ZNF75D: variants seen among roughly 807,000 people sequenced by gnomAD.
The protein encoded by ZNF75D is zinc finger protein 75.
ZNF75D carries 33 observed loss-of-function variants against 33.3 expected under a neutral mutation model. The observed-to-expected ratio is 0.99, with a 90% CI of 0.75 to 1.32. The LOEUF is 1.32. Ranked by LOEUF, ZNF75D falls within the 40% of genes most tolerant of loss-of-function variation. The pLI is 0.00. For synonymous variants in ZNF75D, 113 were observed against 130.6 expected (o/e 0.87, Z 0.92); for missense variants, 338 against 367.5 (o/e 0.92, Z 0.66).
In ZNF75D at chrX:135,294,197, C is replaced by T. The variant is rs2084091357; in HGVS notation, c.-57G>A. 1 of 1,034,049 alleles carries T rather than the reference C, an allele frequency of 9.7e-7. No homozygotes were observed. The highest frequency in any genetic ancestry group is 2.9e-5 in the Admixed American group (1 of 34,545). The allele number at this position is 1,034,049 out of a possible 1,213,427, so 85.2% of individuals were successfully genotyped here. A position where few individuals can be genotyped will look rare whatever the true frequency, so the allele number is the denominator to read the frequency against. ...GACACTGACACCCACCTGGTACCAC[C>T]TTTGACAAATCAGGGTGCATCAGGT... On this transcript the variant is annotated 5_prime_UTR_variant, in exon 3 of 7. Coordinates refer to ENST00000370766, the MANE Select transcript of ZNF75D (RefSeq NM_007131.5).
Position 135,291,054 on chromosome X carries a change from A to G in ZNF75D, c.778T>C (p.Tyr260His). 1 of 1,206,787 alleles carries G rather than the reference A, an allele frequency of 8.3e-7. No homozygotes were observed. The highest frequency in any genetic ancestry group is 1.1e-6 in the Non-Finnish European group (1 of 890,718). Residue 260 changes from tyrosine to histidine, a missense_variant, in exon 6 of 7, where the codon TAC (tyrosine) becomes CAC (histidine). Physicochemically the swap from Tyr to His is moderately conservative, Grantham distance 83. Around this residue, in one of 3 missense-constraint regions of ZNF75D, gnomAD observed 254 missense variants for 267.7 expected, o/e 0.95. Transcript: ENST00000370766. ...TAGATATCCTGCATTACATCATTGT[A>G]GAGAGTCTTCTCAAGAGGATTCAAT... The part of the protein sequence containing the change: ...QLLNPLEKTL[Y>H]NDVMQDIYET...
In ZNF75D at chrX:135,343,304, A is replaced by G. The variant is rs1365227119; in HGVS notation, c.-1927T>C. 1 of 112,830 alleles carries G rather than the reference A, an allele frequency of 8.9e-6. No individual in the cohort carries two copies. The highest frequency in any genetic ancestry group is 1.9e-5 in the Non-Finnish European group (1 of 53,455). 9.3% of individuals were successfully genotyped at this position (112,830 alleles called of 1,213,427 possible). On this transcript the variant is annotated 5_prime_UTR_variant, in exon 1 of 7. It removes an upstream start codon present in the reference 5' UTR. Coordinates refer to ENST00000370766, the MANE Select transcript of ZNF75D (RefSeq NM_007131.5). The stretch of plus-strand genomic sequence containing the variant: ...AAGCTCTCTCTTTTAAAAGTCATAC[A>G]TATACTTTAAAAGAGTTACAGCTTC...
intron 1 of ZNF75D, among the ~76,000 whole-genome samples, chrX:135,265,248 T>A (rs372813216): frequency 2.1e-3 from 230 of 108,903 alleles, no homozygotes; most frequent in African/African-American, 7.4e-3. Context: ...TTATTGGCCT[T>A]AAAGAGGATG....
At position 135,309,819 on chromosome X, in the gene ZNF75D, A is replaced by T. The variant is rs143286771; in HGVS notation, c.-390-13780T>A. On this transcript the variant is annotated intron_variant, in intron 1 of 6. Transcript: ENST00000370766. ...CTGTCATTTCACTCCTTTGGGTTGGATGTGTGTTTGCTGACAGGGCTTACT... is the reference window on the plus strand; with the variant it reads ...CTGTCATTTCACTCCTTTGGGTTGGTTGTGTGTTTGCTGACAGGGCTTACT... 9.2e-3 allele frequency among the ~76,000 whole-genome samples: 1,027 copies of T among 111,694 alleles called. 10 individuals are homozygous for T. The highest frequency in any genetic ancestry group is 0.031 in the African/African-American group (944 of 30,706).
intron 1 of ZNF75D, among the ~76,000 whole-genome samples, chrX:135,305,112 G>C (rs782263125): frequency 8.9e-6 from 1 of 111,781 alleles, no homozygotes; most frequent in Non-Finnish European, 1.9e-5. Context: ...GTGTGGGTTC[G>C]ACACAGTCTC....
intron 1 of ZNF75D, among the ~76,000 whole-genome samples, chrX:135,257,925 C>T (rs190758486): frequency 2.7e-4 from 30 of 109,606 alleles, no homozygotes; most frequent in Non-Finnish European, 4.8e-4. Context: ...ACTCATCATT[C>T]ACATTAGGTA....
At chrX:135,326,924 G>A (rs1440431507) in intron 1 of ZNF75D, among the ~76,000 whole-genome samples, 2 of 112,776 alleles carry the variant, frequency 1.8e-5, no homozygotes, top group Non-Finnish European at 3.7e-5. Flanking sequence ...CACCGCGAGA[G>A]TCCGCGGCTT....
Position 135,316,537 on chromosome X carries a change from C to T in ZNF75D, c.-390-20498G>A, listed in dbSNP as rs961587856. Among the ~76,000 whole-genome samples the T allele has an allele frequency of 5.4e-5, 6 of 111,482 alleles. No homozygotes were observed. In the Admixed American group the frequency reaches 5.7e-4, roughly 11 times the overall value. On this transcript the variant is annotated intron_variant, in intron 1 of 6. Coordinates refer to ENST00000370766, the MANE Select transcript of ZNF75D (RefSeq NM_007131.5). ...GGCTTCCTGTATGTGAATGTCCAAACCTCTTGGTAGACCTGGAAATTTTTC... is the reference window on the plus strand; with the variant it reads ...GGCTTCCTGTATGTGAATGTCCAAATCTCTTGGTAGACCTGGAAATTTTTC...
At chrX:135,306,421 T>C (rs1208820218) in intron 1 of ZNF75D, among the ~76,000 whole-genome samples, 2 of 112,188 alleles carry the variant, frequency 1.8e-5, no homozygotes, top group Admixed American at 9.5e-5. Flanking sequence ...CATAAATGTA[T>C]TTCTAGAATA....
Position 135,324,634 on chromosome X carries a change from C to T in ZNF75D, c.-391+17134G>A, listed in dbSNP as rs781885201. Among the ~76,000 whole-genome samples, 4 of 112,429 alleles carry T rather than the reference C, an allele frequency of 3.6e-5. No homozygotes were observed. The South Asian group carries it at 1.1e-3, about 31-fold the overall frequency. On this transcript the variant is annotated intron_variant, in intron 1 of 6. Transcript: ENST00000370766. ...AGTCAGAGGCTGAAGGTCAGTGTGT[C>T]GGTAGGCTATTGGATCTCACAGTGT...
At chrX:135,334,170 G>A (rs183458985) in intron 1 of ZNF75D, among the ~76,000 whole-genome samples, 7 of 111,871 alleles carry the variant, frequency 6.3e-5, no homozygotes, top group Admixed American at 1.9e-4. Flanking sequence ...CTATTTTGGC[G>A]GAAAGGAAAA....
In ZNF75D at chrX:135,292,459, C is replaced by T. The variant is rs2084057490; in HGVS notation, c.426G>A (p.Glu142=). The change falls in exon 4 of 7, where the codon GAG becomes GAA. Residue 142 remains glutamate (E), a synonymous_variant. Coordinates refer to ENST00000370766, the MANE Select transcript of ZNF75D (RefSeq NM_007131.5). The part of the protein sequence containing the change: ...DGTKNEVTAH[E]LGKEAVLLGG... The stretch of plus-strand genomic sequence containing the variant: ...CCAAGAGCACTGCCTCCTTTCCCAG[C>T]TCATGGGCTGTGACCTAGAAATAAT... 2 of 1,211,265 alleles carry T rather than the reference C, an allele frequency of 1.7e-6. No homozygotes were observed. Among genetic ancestry groups the T allele is most frequent in the South Asian group, 1.8e-5 (1 of 56,921 alleles).
At chrX:135,289,274 G>A (rs1220820283) in intron 6 of ZNF75D, among the ~76,000 whole-genome samples, 1 of 112,237 alleles carries the variant, frequency 8.9e-6, no homozygotes, top group Non-Finnish European at 1.9e-5. Context: ...TTGGGAGTGG[G>A]CTTCACCCGC....
chrX:135,339,727 C>T (rs1360395302), intron 1 of ZNF75D, among the ~76,000 whole-genome samples: 1 of 112,320 alleles, frequency 8.9e-6, no homozygotes, highest in African/African-American at 3.2e-5. Flanking sequence ...CCTGACAGTA[C>T]ATATTTACCC....
chrX:135,276,676 T>C (rs2083900352), intron 1 of ZNF75D, among the ~76,000 whole-genome samples: 1 of 106,912 alleles, frequency 9.4e-6, no homozygotes, highest in Non-Finnish European at 1.9e-5. Context: ...TGTGCGATGT[T>C]CCCCCCACTC....
Position 135,287,276 on chromosome X carries a change from A to C in ZNF75D, c.1394T>G (p.Ile465Ser), listed in dbSNP as rs782222579. 1 of 1,210,556 alleles carries C rather than the reference A, an allele frequency of 8.3e-7. No homozygotes were observed. Among genetic ancestry groups the C allele is most frequent in the African/African-American group, 1.7e-5 (1 of 57,374 alleles). Reference protein sequence around the residue: ...GKRFIQNSHLIKHQRTHTGEQ... With the variant: ...GKRFIQNSHLSKHQRTHTGEQ... Reference sequence around the variant, plus strand: ...ACCTGTGTGAGTTCTCTGGTGTTTAATAAGGTGGGAGTTCTGAATGAATCT... The same window carrying C: ...ACCTGTGTGAGTTCTCTGGTGTTTACTAAGGTGGGAGTTCTGAATGAATCT... The change falls in exon 7 of 7, where the codon ATT becomes AGT. Residue 465 changes from isoleucine to serine, a missense_variant. Coordinates refer to ENST00000370766, the MANE Select transcript of ZNF75D (RefSeq NM_007131.5).
intron 6 of ZNF75D, among the ~76,000 whole-genome samples, chrX:135,289,343 G>T (rs919090707): frequency 1.8e-5 from 2 of 112,198 alleles, no homozygotes; most frequent in Admixed American, 1.9e-4. Context: ...CAGGCCAGGC[G>T]TGGTGGCTCA....
intron 1 of ZNF75D, among the ~76,000 whole-genome samples, chrX:135,325,672 G>A (rs930452974): frequency 1.2e-4 from 13 of 112,847 alleles, no homozygotes; most frequent in African/African-American, 1.9e-4. Context: ...TTTCTCACCC[G>A]GCCTTAGCTG....
At chrX:135,320,937 T>TG (rs201996307) in intron 1 of ZNF75D, among the ~76,000 whole-genome samples, 1,674 of 109,968 alleles carry the variant, frequency 0.015, 21 homozygotes, top group Middle Eastern at 0.042. Flanking sequence ...GAAGCAAGGT[T>TG]GGGGGGGGTT....
Sources: allele counts gnomAD v4.1 joint callset (sites outside exome capture counted in the v4.1 genomes callset), GRCh38; gene constraint gnomAD v4.1.1; regional missense constraint gnomAD v4.1.1; transcripts MANE v1.5; gene names NCBI Gene and HGNC (gene_info 2026-07-23, HGNC 2026-07-21).